The following GLIPR1L2 variants were observed in gnomAD, a reference collection of about 807,000 sequenced individuals.
The protein encoded by GLIPR1L2 is GLIPR1-like protein 2.
GLIPR1L2 carries 21 observed loss-of-function variants against 28.4 expected under a neutral mutation model. That is an observed-to-expected ratio of 0.74 (90% confidence interval 0.52 to 1.06). The LOEUF is 1.06. Ranked by LOEUF, GLIPR1L2 falls within the 50% of genes least tolerant of loss-of-function variation. GLIPR1L2 has a pLI of 0.00. For missense variants in GLIPR1L2, 476 were observed against 416.9 expected, an observed-to-expected ratio of 1.14 and a Z score of -1.23; for synonymous variants, 145 against 139.3, an observed-to-expected ratio of 1.04 and a Z score of -0.29.
intron 1 of GLIPR1L2, among the ~76,000 whole-genome samples, chr12:75,400,539 G>C (rs1275728058): frequency 6.6e-6 from 1 of 152,150 alleles, no homozygotes; most frequent in Non-Finnish European, 1.5e-5. Context: ...GAAAATAGTG[G>C]ACAGATCCAC....
At chr12:75,427,666 A>T (rs1028487511) in intron 4 of GLIPR1L2, among the ~76,000 whole-genome samples, 2 of 152,132 alleles carry the variant, frequency 1.3e-5, no homozygotes, top group African/African-American at 4.8e-5. Flanking sequence ...CCCAAATATC[A>T]TCTTGAATTG....
chr12:75,410,500 A>G lies in GLIPR1L2; in HGVS notation c.301A>G (p.Ile101Val), dbSNP rs2045855160. ...WGKKCLFTHNIYLQDVQMVHP... is the reference protein window; with the variant it reads ...WGKKCLFTHNVYLQDVQMVHP... ...AAAAAAATGTTTGTTTACGCATAAT[A>G]TTTATTTACAAGATGTACAAATGGT... Residue 101 changes from isoleucine to valine, a missense_variant, in exon 2 of 6, where the codon ATT (isoleucine) becomes GTT (valine). Ile to Val is a conservative substitution (Grantham distance 29, BLOSUM62 3). Coordinates refer to ENST00000550916, the MANE Select transcript of GLIPR1L2 (RefSeq NM_001270396.2). 4 of 1,611,012 alleles carry G rather than the reference A, an allele frequency of 2.5e-6. No individual in the cohort carries two copies. Among genetic ancestry groups the G allele is most frequent in the East Asian group, 2.2e-5 (1 of 44,766 alleles).
At position 75,430,950 on chromosome 12, in the gene GLIPR1L2, A is replaced by T. The variant is rs753301739; in HGVS notation, c.824A>T (p.Gln275Leu). The change falls in exon 6 of 6, where the codon CAG becomes CTG. Residue 275 changes from glutamine (Q) to leucine (L), a missense_variant. Gln to Leu is a moderately radical substitution (Grantham distance 113). Transcript: ENST00000550916. ...ILCVITVLIVQSQFPNILLEQ... is the reference protein window; with the variant it reads ...ILCVITVLIVLSQFPNILLEQ... The stretch of plus-strand genomic sequence containing the variant: ...TGTGTCATAACTGTTTTGATAGTAC[A>T]GTCTCAGTTTCCAAATATCTTGTTG... The T allele has an allele frequency of 7.8e-6, 12 of 1,535,748 alleles. No homozygotes were observed. Among genetic ancestry groups the T allele is most frequent in the Non-Finnish European group, 1.0e-5 (12 of 1,146,614 alleles).
chr12:75,424,465 A>T (rs977458866), intron 4 of GLIPR1L2, among the ~76,000 whole-genome samples: 1 of 152,154 alleles, frequency 6.6e-6, no homozygotes, highest in African/African-American at 2.4e-5. Context: ...TCTGGAAAAG[A>T]GACAGGGTCT....
At chr12:75,403,778 T>C (rs1274899206) in intron 1 of GLIPR1L2, among the ~76,000 whole-genome samples, 1 of 152,028 alleles carries the variant, frequency 6.6e-6, no homozygotes, top group Non-Finnish European at 1.5e-5. Context: ...GCCTCTACAG[T>C]TACTAGAACT....
chr12:75,424,001 T>C (rs2046007844), intron 4 of GLIPR1L2: 2 of 152,256 alleles, frequency 1.3e-5, no homozygotes, highest in Admixed American at 6.5e-5. Context: ...AAGTATTTGC[T>C]ATTGTGAACA....
chr12:75,413,524 T>A, intron 2 of GLIPR1L2, 74 bp from the exon 3 acceptor site: 1 of 794,284 alleles, frequency 1.3e-6, no homozygotes, highest in East Asian at 2.8e-5. Flanking sequence ...GTGAATGGAA[T>A]ATATTATTGT....
At chr12:75,425,435 A>G (rs2046024630) in intron 4 of GLIPR1L2, among the ~76,000 whole-genome samples, 1 of 152,142 alleles carries the variant, frequency 6.6e-6, no homozygotes, top group Non-Finnish European at 1.5e-5. Context: ...TGTGGGGAAG[A>G]TGACTTGACA....
chr12:75,395,627 A>T (rs1324697759), intron 1 of GLIPR1L2, among the ~76,000 whole-genome samples: 1 of 151,208 alleles, frequency 6.6e-6, no homozygotes. Context: ...TTTTATTATT[A>T]TTATTTTATG....
rs1374438132 is a variant in GLIPR1L2 at position 75,431,037 on chromosome 12, AG to A, written c.913del (p.Glu305LysfsTer13). 6.6e-7 allele frequency: 1 copy of A among 1,508,948 alleles called. No individual in the cohort carries two copies. Among genetic ancestry groups the A allele is most frequent in the Non-Finnish European group, 8.9e-7 (1 of 1,122,180 alleles). The allele number at this position is 1,508,948 out of a possible 1,614,324, so 93.5% of individuals were successfully genotyped here. A position where few individuals can be genotyped will look rare whatever the true frequency, so the allele number is the denominator to read the frequency against. ...SEAGNEEEEKEEEKKEKEEME... is the reference protein window; with the variant it reads ...SEAGNEEEEKXEEKKEKEEME... ...GCAGGGAATGAAGAGGAGGAAAAAG[AG>A]GAAGAGAAGAAAGAGAAAGAGGAAA... On this transcript the variant is annotated frameshift_variant, in exon 6 of 6. Coordinates refer to ENST00000550916, the MANE Select transcript of GLIPR1L2 (RefSeq NM_001270396.2). LOFTEE classifies it low-confidence loss of function (END_TRUNC).
chr12:75,417,496 G>A (rs1051034928), intron 3 of GLIPR1L2, among the ~76,000 whole-genome samples: 3 of 152,092 alleles, frequency 2.0e-5, no homozygotes, highest in Non-Finnish European at 4.4e-5. Context: ...GAAAATTAAT[G>A]CAGAATGGAA....
Position 75,431,366 on chromosome 12 carries a change from T to C in GLIPR1L2, c.*205T>C, listed in dbSNP as rs1245551650. On this transcript the variant is annotated 3_prime_UTR_variant, in exon 6 of 6. Coordinates refer to ENST00000550916, the MANE Select transcript of GLIPR1L2 (RefSeq NM_001270396.2). Reference sequence around the variant, plus strand: ...GTAAAACAAAGAAACAAAAAACATGTAAGGTGGGCTCTTTGACACTAAGAA... The same window carrying C: ...GTAAAACAAAGAAACAAAAAACATGCAAGGTGGGCTCTTTGACACTAAGAA... 6.6e-6 allele frequency: 3 copies of C among 454,674 alleles called. No individual in the cohort carries two copies. The East Asian group carries it at 9.8e-5, about 15-fold the overall frequency. 28.2% of individuals were successfully genotyped at this position (454,674 alleles called of 1,614,324 possible).
At chr12:75,414,456 T>A (rs1023553374) in intron 3 of GLIPR1L2, among the ~76,000 whole-genome samples, 1 of 152,070 alleles carries the variant, frequency 6.6e-6, no homozygotes, top group African/African-American at 2.4e-5. Flanking sequence ...ATAAAATGCT[T>A]TGGGACTAAA....
rs1442832395 is a variant in GLIPR1L2 at position 75,431,365 on chromosome 12, G to T, written c.*204G>T. On this transcript the variant is annotated 3_prime_UTR_variant, in exon 6 of 6. Transcript: ENST00000550916. ...TGTAAAACAAAGAAACAAAAAACAT[G>T]TAAGGTGGGCTCTTTGACACTAAGA... The T allele has an allele frequency of 2.2e-6, 1 of 456,030 alleles. No individual in the cohort carries two copies. Among genetic ancestry groups the T allele is most frequent in the African/African-American group, 2.0e-5 (1 of 49,958 alleles). 28.2% of individuals were successfully genotyped at this position (456,030 alleles called of 1,614,324 possible).
intron 1 of GLIPR1L2, among the ~76,000 whole-genome samples, chr12:75,392,865 T>G (rs916195641): frequency 3.3e-5 from 5 of 152,144 alleles, no homozygotes; most frequent in Admixed American, 2.0e-4. Flanking sequence ...CACCCTAAAT[T>G]TTTACCTTTT....
intron 4 of GLIPR1L2, among the ~76,000 whole-genome samples, chr12:75,428,432 A>G (rs901889785): frequency 6.6e-6 from 1 of 152,160 alleles, no homozygotes; most frequent in African/African-American, 2.4e-5. Flanking sequence ...TCTCAAAGAG[A>G]TGATCTGAAA....
chr12:75,423,284 A>G (rs981442762), intron 4 of GLIPR1L2: 2 of 1,199,370 alleles, frequency 1.7e-6, no homozygotes, highest in Non-Finnish European at 2.1e-6. Context: ...TTATGCCCAA[A>G]CAGCAGCCTG....
chr12:75,429,104 C>T (rs1201000536), intron 4 of GLIPR1L2, among the ~76,000 whole-genome samples: 1 of 152,160 alleles, frequency 6.6e-6, no homozygotes, highest in East Asian at 1.9e-4. Context: ...GGCCACCATC[C>T]TCCAGATCCC....
rs1219118953 is a variant in GLIPR1L2, at chr12:75,424,403, C to G, written c.670+1414C>G. Among the ~76,000 whole-genome samples, 3 of 151,972 alleles carry G rather than the reference C, an allele frequency of 2.0e-5. No homozygotes were observed. The East Asian group carries it at 5.8e-4, about 29-fold the overall frequency. ...CTGTTCATGTCCTTTGCCCACTTTT[C>G]GATGGGGTTGTTTGTTTTTCTCTTG... On this transcript the variant is annotated intron_variant, in intron 4 of 5. Transcript: ENST00000550916.
Sources: allele counts gnomAD v4.1 joint callset (sites outside exome capture counted in the v4.1 genomes callset), GRCh38; gene constraint gnomAD v4.1.1; transcripts MANE v1.5; gene names NCBI Gene and HGNC (gene_info 2026-07-23, HGNC 2026-07-21).